PHF3: variants seen among roughly 807,000 people sequenced by gnomAD.
PHF3 encodes PHD finger protein 3.
In PHF3, 41 loss-of-function variants were observed where a neutral mutation model predicts 178.4. The ratio of observed to expected loss-of-function variants is 0.23; its 90% confidence interval spans 0.18 to 0.30. The LOEUF is 0.30. Ranked by LOEUF, PHF3 falls within the 10% of genes least tolerant of loss-of-function variation. The probability of loss-of-function intolerance (pLI) is 1.00; values close to 1 mark genes in which losing one functional copy is unlikely to be tolerated. For missense variants in PHF3, 2,346 were observed against 2,398.1 expected (o/e 0.98, Z 0.45); for synonymous variants, 842 against 800.5 (o/e 1.05, Z -0.88).
intron 4 of PHF3, 69 bp from the exon 5 acceptor site, chr6:63,691,668 G>A: frequency 1.6e-6 from 2 of 1,287,666 alleles, no homozygotes; most frequent in Non-Finnish European, 2.2e-6. Context: ...ATTTAATTTA[G>A]CCTCATTTTT....
rs779251633 is a variant in PHF3, at chr6:63,702,637, C to G, written c.3229C>G (p.Gln1077Glu). The change falls in exon 10 of 16, where the codon CAG becomes GAG. Residue 1077 changes from glutamine (Q) to glutamate (E), a missense_variant and splice_region_variant. Coordinates refer to ENST00000262043, the MANE Select transcript of PHF3 (RefSeq NM_001370348.2). ...MKEQEAAMEI[Q>E]EPAANKSLEK... ...AGAACAGGAAGCAGCCATGGAGATT[C>G]AGGTAAGGATAGATATGCCATGTTT... 1 of 1,611,920 alleles carries G rather than the reference C, an allele frequency of 6.2e-7. No individual in the cohort carries two copies. Among genetic ancestry groups the G allele is most frequent in the Admixed American group, 1.7e-5 (1 of 59,928 alleles).
rs746692332 is a variant in PHF3, at chr6:63,706,094, C to T, written c.3433C>T (p.Arg1145Cys). The T allele has an allele frequency of 1.5e-5, 24 of 1,613,730 alleles. No individual in the cohort carries two copies. Among genetic ancestry groups the T allele is most frequent in the Non-Finnish European group, 1.9e-5 (23 of 1,179,914 alleles). The change falls in exon 12 of 16, where the codon CGC becomes TGC. Residue 1145 changes from arginine to cysteine, a missense_variant. Around this residue, in one of 8 missense-constraint regions of PHF3, gnomAD observed 205 missense variants for 212.4 expected, o/e 0.97. Transcript: ENST00000262043. The part of the protein sequence containing the change: ...KKVKVVVGVA[R>C]KHSDNEAESI... ...AGTAAAAGTTGTTGTAGGAGTAGCT[C>T]GCAAACATTCAGACAATGAAGCAGA... is the stretch of plus-strand genomic sequence containing the variant.
chr6:63,677,555 A>G (rs764751544), intron 2 of PHF3, among the ~76,000 whole-genome samples: 15 of 152,216 alleles, frequency 9.9e-5, no homozygotes, highest in Non-Finnish European at 7.3e-5. Context: ...CTGCTTTGTA[A>G]TACAGCTCTA....
chr6:63,707,597 GATC>G (rs1767747703), intron 13 of PHF3, among the ~76,000 whole-genome samples: 1 of 151,994 alleles, frequency 6.6e-6, no homozygotes, highest in Non-Finnish European at 1.5e-5. Context: ...TTTATGTTGA[GATC>G]ATATTTTGCT....
In PHF3 at chr6:63,698,442, T is replaced by C. The variant is rs371116837; in HGVS notation, c.2826-7T>C. On this transcript the variant is annotated splice_polypyrimidine_tract_variant and splice_region_variant and intron_variant, in intron 7 of 15. Transcript: ENST00000262043. ...TTGAAAAATAATTGAATTGTTCTAA[T>C]TTTAAGACTTACAGACTCAAATTTG... 3.3e-5 allele frequency: 52 copies of C among 1,590,176 alleles called. No individual in the cohort carries two copies. The African/African-American group carries it at 6.4e-4, about 19-fold the overall frequency.
intron 1 of PHF3, among the ~76,000 whole-genome samples, chr6:63,645,524 A>C (rs1238031082): frequency 1.3e-5 from 2 of 152,100 alleles, no homozygotes; most frequent in African/African-American, 4.8e-5. Flanking sequence ...AGTTTGAGGA[A>C]ATTTTGTTAA....
Position 63,688,482 on chromosome 6 carries a change from A to G in PHF3, c.2189+2571A>G, listed in dbSNP as rs181178710. Among the ~76,000 whole-genome samples the G allele has an allele frequency of 7.1e-3, 1,061 of 148,874 alleles. 8 individuals are homozygous for G. The highest frequency in any genetic ancestry group is 0.014 in the Middle Eastern group (4 of 294). ...TCCCAAGTAGCTGGGATTACGGGCA[A>G]ATGCCACCATGCCCAGCTTATTTTG... is the stretch of plus-strand genomic sequence containing the variant. On this transcript the variant is annotated intron_variant, in intron 4 of 15. Transcript: ENST00000262043.
At chr6:63,637,730 G>A (rs992727193) in intron 1 of PHF3, among the ~76,000 whole-genome samples, 6 of 152,052 alleles carry the variant, frequency 3.9e-5, no homozygotes, top group Admixed American at 3.9e-4. Context: ...ACTTTTAGGA[G>A]TGATGATTCC....
chr6:63,700,803 C>T (rs939667117), intron 9 of PHF3, among the ~76,000 whole-genome samples: 1 of 152,068 alleles, frequency 6.6e-6, no homozygotes, highest in Non-Finnish European at 1.5e-5. Flanking sequence ...AGGATGGTCT[C>T]GATCTCCTGA....
intron 3 of PHF3, among the ~76,000 whole-genome samples, chr6:63,683,442 T>C (rs940257809): frequency 3.9e-5 from 6 of 152,090 alleles, no homozygotes; most frequent in Non-Finnish European, 8.8e-5. Context: ...AGGAGCATTG[T>C]GTGGGAAGCT....
At chr6:63,697,125 G>A (rs1033479353) in intron 6 of PHF3, among the ~76,000 whole-genome samples, 5 of 152,094 alleles carry the variant, frequency 3.3e-5, no homozygotes, top group Admixed American at 2.0e-4. Context: ...TGTGAAACTC[G>A]GGAAGACAAG....
rs1425802765 is a variant in PHF3 at position 63,706,866 on chromosome 6, A to G, written c.3701A>G (p.Tyr1234Cys). 1.9e-6 allele frequency: 3 copies of G among 1,613,762 alleles called. No homozygotes were observed. Among genetic ancestry groups the G allele is most frequent in the East Asian group, 4.5e-5 (2 of 44,868 alleles). The change falls in exon 13 of 16, where the codon TAC becomes TGC. Residue 1234 changes from tyrosine to cysteine, a missense_variant. This residue lies in a region of PHF3 where 205 missense variants were observed against 212.4 expected (regional missense o/e 0.97). Coordinates refer to ENST00000262043, the MANE Select transcript of PHF3 (RefSeq NM_001370348.2). ...TATCCAGTATCTGGCTCCCCAGAATACCTGACAGAGGTACTGTGAACTTTT... is the reference window on the plus strand; with the variant it reads ...TATCCAGTATCTGGCTCCCCAGAATGCCTGACAGAGGTACTGTGAACTTTT... ...KAYPVSGSPE[Y>C]LTEDLPDSIQ...
At chr6:63,661,599 A>G (rs945616284) in intron 2 of PHF3, among the ~76,000 whole-genome samples, 2 of 152,186 alleles carry the variant, frequency 1.3e-5, no homozygotes, top group Non-Finnish European at 2.9e-5. Context: ...CAGTATGAGC[A>G]GTATTACAGG....
intron 13 of PHF3, among the ~76,000 whole-genome samples, chr6:63,707,857 G>GTTTTTGT (rs1335152033): frequency 6.6e-6 from 1 of 151,214 alleles, no homozygotes; most frequent in Non-Finnish European, 1.5e-5. Flanking sequence ...GTTTGTTTTT[G>GTTTTTGT]TTTTTGTTTT....
rs1226752151 is a variant in PHF3, at chr6:63,718,338, TC to T, written c.*4631del. On this transcript the variant is annotated 3_prime_UTR_variant, in exon 16 of 16. Transcript: ENST00000262043. ...GGCAGCAATTCTCAAACTTTTGTTTTCAAGACCCCTTACACTCTTAAAAATT... is the reference window on the plus strand; with the variant it reads ...GGCAGCAATTCTCAAACTTTTGTTTTAAGACCCCTTACACTCTTAAAAATT... Among the ~76,000 whole-genome samples, 4 of 152,010 alleles carry T rather than the reference TC, an allele frequency of 2.6e-5. No individual in the cohort carries two copies. Among genetic ancestry groups the T allele is most frequent in the Admixed American group, 2.0e-4 (3 of 15,220 alleles).
chr6:63,657,769 A>G (rs895828213), intron 2 of PHF3, among the ~76,000 whole-genome samples: 5 of 152,160 alleles, frequency 3.3e-5, no homozygotes, highest in African/African-American at 1.2e-4. Context: ...TATAGTCTGA[A>G]TTAATTTTCC....
chr6:63,663,460 T>C (rs1052650776), intron 2 of PHF3, among the ~76,000 whole-genome samples: 1 of 152,170 alleles, frequency 6.6e-6, no homozygotes, highest in Admixed American at 6.5e-5. Context: ...TTTCTCCAAA[T>C]CATAGACCTA....
rs1765432852 is a variant in PHF3, at chr6:63,660,781, T to TA, written c.244+13987dup. 2.0e-5 allele frequency among the ~76,000 whole-genome samples: 3 copies of TA among 152,146 alleles called. No individual in the cohort carries two copies. In the South Asian group the frequency reaches 6.2e-4, roughly 32 times the overall value. Reference sequence around the variant, plus strand: ...AGCAAGCAGCATTGAAGGATGACATTACATTTGCTCTCTCACCCCTACCTC... The same window carrying TA: ...AGCAAGCAGCATTGAAGGATGACATTAACATTTGCTCTCTCACCCCTACCTC... On this transcript the variant is annotated intron_variant, in intron 2 of 15. Coordinates refer to ENST00000262043, the MANE Select transcript of PHF3 (RefSeq NM_001370348.2).
chr6:63,724,051 C>T lies in PHF3; in HGVS notation c.*10343C>T, dbSNP rs1299185668. The stretch of plus-strand genomic sequence containing the variant: ...TGACCTCCTGACTTCAGGTGATCCG[C>T]CCACCTCGGCCTCCCAAAGTGGTGG... On this transcript the variant is annotated 3_prime_UTR_variant, in exon 16 of 16. Coordinates refer to ENST00000262043, the MANE Select transcript of PHF3 (RefSeq NM_001370348.2). Among the ~76,000 whole-genome samples, 1 of 152,074 alleles carries T rather than the reference C, an allele frequency of 6.6e-6. No individual in the cohort carries two copies. Among genetic ancestry groups the T allele is most frequent in the Non-Finnish European group, 1.5e-5 (1 of 68,018 alleles).
Sources: gnomAD v4.1 joint callset for allele counts (sites outside exome capture counted in the v4.1 genomes callset) on GRCh38, gnomAD v4.1.1 for gene constraint, gnomAD v4.1.1 regional missense constraint, MANE v1.5 for transcripts, NCBI Gene and HGNC (gene_info 2026-07-23, HGNC 2026-07-21) for gene names.